MROH2B: variants seen among roughly 807,000 people sequenced by gnomAD.
MROH2B encodes maestro heat-like repeat-containing protein family member 2B.
Under a neutral mutation model 208.6 loss-of-function variants are expected in MROH2B, and 177 were observed. The ratio of observed to expected loss-of-function variants is 0.85; its 90% confidence interval spans 0.75 to 0.96. MROH2B has a LOEUF of 0.96. Ranked by LOEUF, MROH2B falls within the 40% of genes least tolerant of loss-of-function variation. The pLI is 0.00. For synonymous variants in MROH2B, 728 were observed against 659.0 expected (o/e 1.10, Z -1.60); for missense variants, 2,002 against 1,878.7 (o/e 1.07, Z -1.21).
chr5:41,023,456 A>G (rs1389558112), intron 24 of MROH2B, among the ~76,000 whole-genome samples: 5 of 152,354 alleles, frequency 3.3e-5, no homozygotes, highest in African/African-American at 7.2e-5. Flanking sequence ...TTGAAGATCA[A>G]ATTAATGAAA....
intron 34 of MROH2B, among the ~76,000 whole-genome samples, chr5:41,006,554 A>C (rs953014131): frequency 6.6e-6 from 1 of 152,254 alleles, no homozygotes; most frequent in Non-Finnish European, 1.5e-5. Context: ...ACAGCAGCAC[A>C]ATTTGCAATT....
At chr5:41,047,662 G>T (rs1743161717) in intron 17 of MROH2B, 59 bp downstream of exon 17, 2 of 1,450,438 alleles carry the variant, frequency 1.4e-6, no homozygotes, top group South Asian at 1.3e-5. Context: ...TTTAGGATGG[G>T]TAACTTCAGC....
Position 41,049,311 on chromosome 5 carries a change from C to T in MROH2B, c.1470G>A (p.Glu490=), listed in dbSNP as rs1304734694. 7 of 1,613,618 alleles carry T rather than the reference C, an allele frequency of 4.3e-6. No individual in the cohort carries two copies. The highest frequency in any genetic ancestry group is 5.9e-6 in the Non-Finnish European group (7 of 1,179,702). Residue 490 remains glutamate, a synonymous_variant, in exon 14 of 42, where the codon GAG becomes GAA. Transcript: ENST00000399564. ...AEEKKQHSAK[E]STALVVSTGA... ...CTGTAGAGACGACAAGTGCTGTCGA[C>T]TCCTTGGCACTGTGCTGCTTCTTCT...
chr5:41,017,598 G>A (rs1458850905), intron 28 of MROH2B, among the ~76,000 whole-genome samples: 1 of 152,116 alleles, frequency 6.6e-6, no homozygotes, highest in African/African-American at 2.4e-5. Context: ...CTAGGAGACA[G>A]ATTCTGTGAT....
At chr5:41,050,907 T>C in intron 13 of MROH2B, 70 bp downstream of exon 13, 7 of 1,016,480 alleles carry the variant, frequency 6.9e-6, no homozygotes, top group Non-Finnish European at 1.0e-5. Flanking sequence ...CTCATGTCTT[T>C]ATTCTTACAC....
intron 24 of MROH2B, among the ~76,000 whole-genome samples, chr5:41,025,071 C>A (rs1732937992): frequency 6.6e-6 from 1 of 152,156 alleles, no homozygotes; most frequent in African/African-American, 2.4e-5. Context: ...TAAATGCCCA[C>A]AACAGAAAGC....
At chr5:41,025,162 G>A (rs927614177) in intron 24 of MROH2B, among the ~76,000 whole-genome samples, 1 of 152,060 alleles carries the variant, frequency 6.6e-6, no homozygotes, top group Non-Finnish European at 1.5e-5. Context: ...AAAGCTCGCA[G>A]AAGGCAAGAA....
chr5:41,007,477 C>T (rs1344711100), intron 33 of MROH2B, 23 bp from the exon 34 acceptor site: 1 of 1,533,068 alleles, frequency 6.5e-7, no homozygotes, highest in Non-Finnish European at 8.8e-7. Context: ...GTCAGCATTA[C>T]AAAACTAAGT....
intron 5 of MROH2B, among the ~76,000 whole-genome samples, chr5:41,062,427 A>G (rs963046105): frequency 6.6e-6 from 1 of 152,166 alleles, no homozygotes; most frequent in East Asian, 1.9e-4. Flanking sequence ...TGGTGGCCAC[A>G]TGGGCAACTT....
At chr5:41,005,297 C>T (rs1741541415) in intron 35 of MROH2B, 1 of 539,708 alleles carries the variant, frequency 1.9e-6, no homozygotes, top group Non-Finnish European at 3.3e-6. Flanking sequence ...TATTGTCCCC[C>T]TTTCTCTGCC....
intron 30 of MROH2B, among the ~76,000 whole-genome samples, chr5:41,012,347 G>T (rs1741798663): frequency 6.6e-6 from 1 of 152,144 alleles, no homozygotes; most frequent in African/African-American, 2.4e-5. Flanking sequence ...GCTTCCTCTA[G>T]CCAGAAAGAG....
intron 31 of MROH2B, 79 bp downstream of exon 31, chr5:41,009,843 T>C (rs1212818850): frequency 1.9e-5 from 27 of 1,414,578 alleles, no homozygotes; most frequent in Non-Finnish European, 2.5e-5. Flanking sequence ...GCTATCTTGC[T>C]CTCAAACCGT....
intron 34 of MROH2B, among the ~76,000 whole-genome samples, chr5:41,005,931 T>G (rs1741573971): frequency 6.7e-6 from 1 of 150,074 alleles, no homozygotes; most frequent in Non-Finnish European, 1.5e-5. Flanking sequence ...TTCAGGAGGC[T>G]GAGGCAGGAG....
chr5:41,069,227 A>G (rs1174091113), intron 2 of MROH2B, among the ~76,000 whole-genome samples: 1 of 152,200 alleles, frequency 6.6e-6, no homozygotes. Flanking sequence ...TACTTCCCAG[A>G]TAAGTGTTCG....
intron 30 of MROH2B, 115 bp downstream of exon 30, chr5:41,012,468 G>T: frequency 1.8e-6 from 2 of 1,121,444 alleles, no homozygotes; most frequent in Non-Finnish European, 2.5e-6. Flanking sequence ...GGCCTCTTGA[G>T]GTTGTGCAAG....
chr5:41,054,011 A>G (rs923331520), intron 11 of MROH2B, among the ~76,000 whole-genome samples: 9 of 151,438 alleles, frequency 5.9e-5, no homozygotes, highest in Admixed American at 2.0e-4. Context: ...AGAGAGTCTT[A>G]CTCTGTTGCC....
At chr5:41,050,273 C>A (rs142524807) in intron 13 of MROH2B, among the ~76,000 whole-genome samples, 1 of 152,250 alleles carries the variant, frequency 6.6e-6, no homozygotes, top group East Asian at 1.9e-4. Flanking sequence ...GCATTCCAGG[C>A]CCTTTAGGGT....
chr5:41,009,186 G>GTC, intron 32 of MROH2B, 94 bp downstream of exon 32: 1 of 1,499,442 alleles, frequency 6.7e-7, no homozygotes. Context: ...AGAAGGAGGT[G>GTC]TCATTAATGT....
At chr5:41,040,022 G>A (rs1419435687) in intron 19 of MROH2B, among the ~76,000 whole-genome samples, 1 of 152,158 alleles carries the variant, frequency 6.6e-6, no homozygotes, top group African/African-American at 2.4e-5. Context: ...AGAGGGCTGA[G>A]GGAGCAGTCA....
Sources: allele counts gnomAD v4.1 joint callset (sites outside exome capture counted in the v4.1 genomes callset), GRCh38; gene constraint gnomAD v4.1.1; transcripts MANE v1.5; gene names NCBI Gene and HGNC (gene_info 2026-07-23, HGNC 2026-07-21).